The following ASIC4 variants were observed in gnomAD, a reference collection of about 807,000 sequenced individuals.
ASIC4 encodes the protein acid sensing ion channel subunit family member 4, also known as acid-sensing ion channel 4.
Under a neutral mutation model 53.4 loss-of-function variants are expected in ASIC4, and 28 were observed. That is an observed-to-expected ratio of 0.52 (90% CI 0.39 to 0.72). ASIC4 has a LOEUF of 0.72. Ranked by LOEUF, ASIC4 falls within the 30% of genes least tolerant of loss-of-function variation. The pLI, the probability that ASIC4 is intolerant of heterozygous loss-of-function variation, is 0.00. For synonymous variants in ASIC4, 289 were observed against 301.4 expected (o/e 0.96, Z 0.43); for missense variants, 649 against 729.7 (o/e 0.89, Z 1.27).
At position 219,518,853 on chromosome 2, in the gene ASIC4, T is replaced by C. The variant is rs1694840429; in HGVS notation, c.582+3547T>C. 1.3e-5 allele frequency among the ~76,000 whole-genome samples: 2 copies of C among 152,230 alleles called. No homozygotes were observed. Among genetic ancestry groups the C allele is most frequent in the Admixed American group, 1.3e-4 (2 of 15,282 alleles). Reference sequence around the variant, plus strand: ...AACCTCGGCTCTACGCATTAAGCTGTGTGGCCGTGGGGAAGCCAAAAAGCT... The same window carrying C: ...AACCTCGGCTCTACGCATTAAGCTGCGTGGCCGTGGGGAAGCCAAAAAGCT... On this transcript the variant is annotated intron_variant, in intron 1 of 9. Transcript: ENST00000358078. This position sits in a 1 kb window ranked among gnomAD's most constrained non-coding sequence, Gnocchi z 4.8.
chr2:219,518,827 G>A lies in ASIC4; in HGVS notation c.582+3521G>A, dbSNP rs1015462841. Among the ~76,000 whole-genome samples, 11 of 152,360 alleles carry A rather than the reference G, an allele frequency of 7.2e-5. No homozygotes were observed. The highest frequency in any genetic ancestry group is 2.6e-4 in the Admixed American group (4 of 15,310). Reference sequence around the variant, plus strand: ...TCTCACCTGGGGACCACCAGGATTCGAACCTCGGCTCTACGCATTAAGCTG... The same window carrying A: ...TCTCACCTGGGGACCACCAGGATTCAAACCTCGGCTCTACGCATTAAGCTG... On this transcript the variant is annotated intron_variant, in intron 1 of 9. Coordinates refer to ENST00000358078, the MANE Select transcript of ASIC4 (RefSeq NM_018674.6). This position sits in a 1 kb window ranked among gnomAD's most constrained non-coding sequence, Gnocchi z 4.8.
upstream of ASIC4, chr2:219,514,427 C>T (rs1209824119): frequency 7.1e-6 from 11 of 1,549,508 alleles, no homozygotes; most frequent in Middle Eastern, 2.1e-4. Context: ...CAGGGACACA[C>T]GCAGGGGCTG....
upstream of ASIC4, among the ~76,000 whole-genome samples, chr2:219,510,984 G>T (rs970451681): frequency 1.3e-5 from 2 of 152,082 alleles, no homozygotes; most frequent in South Asian, 2.1e-4. The surrounding 1 kb of genome is among the most constrained non-coding windows in gnomAD (Gnocchi z 5.2). Context: ...CACCAGCCAG[G>T]CCTGGACCAG....
chr2:219,535,772 CTTTT>C (rs869106424), intron 6 of ASIC4, among the ~76,000 whole-genome samples: 2 of 128,708 alleles, frequency 1.6e-5, no homozygotes, highest in Non-Finnish European at 3.3e-5. Flanking sequence ...TCTTCTCCTT[CTTTT>C]TTTTTTTTTT....
chr2:219,531,364 T>TA (rs1695037978), intron 1 of ASIC4, among the ~76,000 whole-genome samples: 1 of 151,080 alleles, frequency 6.6e-6, no homozygotes, highest in South Asian at 2.1e-4. Flanking sequence ...AGACCATATC[T>TA]CAAAAAAAAA....
At chr2:219,528,433 C>T (rs1388299020) in intron 1 of ASIC4, among the ~76,000 whole-genome samples, 1 of 152,026 alleles carries the variant, frequency 6.6e-6, no homozygotes, top group Admixed American at 6.6e-5. Context: ...CCATATTGGC[C>T]AGGCTGGTCT....
intron 1 of ASIC4, 95 bp from the exon 2 acceptor site, chr2:219,531,663 C>A: frequency 7.1e-7 from 1 of 1,401,442 alleles, no homozygotes. Flanking sequence ...AGTGTCCAAG[C>A]AGATCTGGTG....
Position 219,536,932 on chromosome 2 carries a change from T to G in ASIC4, c.1230-134T>G. The G allele has an allele frequency of 1.4e-6, 1 of 728,066 alleles. No homozygotes were observed. Among genetic ancestry groups the G allele is most frequent in the South Asian group, 1.7e-5 (1 of 57,918 alleles). The allele number at this position is 728,066 out of a possible 1,614,324, so 45.1% of individuals were successfully genotyped here. Reference sequence around the variant, plus strand: ...CCGGGACTGCCTCCCCTCACAGCCTTGGGGAGTCCGGGGGGTAGTCACTGA... The same window carrying G: ...CCGGGACTGCCTCCCCTCACAGCCTGGGGGAGTCCGGGGGGTAGTCACTGA... On this transcript the variant is annotated intron_variant, in intron 6 of 9. Transcript: ENST00000358078. This position sits in a 1 kb window ranked among gnomAD's most constrained non-coding sequence, Gnocchi z 4.6.
upstream of ASIC4, among the ~76,000 whole-genome samples, chr2:219,510,953 C>T (rs1044238276): frequency 2.0e-5 from 3 of 152,120 alleles, no homozygotes; most frequent in East Asian, 1.9e-4. This position sits in a 1 kb window ranked among gnomAD's most constrained non-coding sequence, Gnocchi z 5.2. Context: ...CTGCACAGCC[C>T]GTTTGTCACC....
At chr2:219,530,649 G>T in intron 1 of ASIC4, among the ~76,000 whole-genome samples, 1 of 152,232 alleles carries the variant, frequency 6.6e-6, no homozygotes, top group East Asian at 1.9e-4. Flanking sequence ...AGTGTGACAT[G>T]CTGAGGCTTC....
chr2:219,533,092 G>A (rs765005823), intron 5 of ASIC4, 153 bp downstream of exon 5: 2 of 815,488 alleles, frequency 2.5e-6, no homozygotes, highest in East Asian at 2.6e-5. Context: ...GTGGGGTTGG[G>A]GAGAGGTCTG....
At chr2:219,523,248 A>G (rs1220800608) in intron 1 of ASIC4, among the ~76,000 whole-genome samples, 4 of 152,316 alleles carry the variant, frequency 2.6e-5, no homozygotes, top group Admixed American at 2.0e-4. Context: ...TCTAGGGTGT[A>G]AGGCCTAAGC....
chr2:219,535,212 AC>A lies in ASIC4; in HGVS notation c.1122del (p.Cys375AlafsTer3). ...GGPEGPCFCP[T>X]PCNLTRYGKE... ...CCCTGAGGGCCCGTGCTTCTGCCCC[AC>A]CCCCTGCAACCTGACACGCTATGGG... On this transcript the variant is annotated frameshift_variant, in exon 6 of 10. Transcript: ENST00000358078. LOFTEE classifies it high-confidence loss of function. The A allele has an allele frequency of 6.2e-7, 1 of 1,613,316 alleles. No individual in the cohort carries two copies. The highest frequency in any genetic ancestry group is 8.5e-7 in the Non-Finnish European group (1 of 1,179,772).
chr2:219,507,565 G>A, the ASIC4 span, among the ~76,000 whole-genome samples: 90 of 152,228 alleles, frequency 5.9e-4, 1 homozygote, highest in African/African-American at 2.0e-3. Flanking sequence ...CCTGTTCTGG[G>A]AAGGCCCTCA....
chr2:219,520,000 AT>A (rs1694860647), intron 1 of ASIC4, among the ~76,000 whole-genome samples: 2 of 152,038 alleles, frequency 1.3e-5, no homozygotes, highest in East Asian at 3.9e-4. Context: ...TGTCTGGAAA[AT>A]TGAGGCTGGG....
At chr2:219,508,362 T>C in the ASIC4 span, among the ~76,000 whole-genome samples, 1 of 152,176 alleles carries the variant, frequency 6.6e-6, no homozygotes, top group Admixed American at 6.5e-5. Context: ...CCAATAAGTC[T>C]GTGTCAGGCC....
rs1432132664 is a variant in ASIC4 at position 219,537,870 on chromosome 2, G to A, written c.1507-63G>A. ...GAGGTGACAAGGAAAGGCTGGCGGT[G>A]TGAGCCCTGGGGGCACCACTTGAGC... On this transcript the variant is annotated intron_variant, in intron 9 of 9. Transcript: ENST00000358078. This position sits in a 1 kb window ranked among gnomAD's most constrained non-coding sequence, Gnocchi z 4.9. 3.3e-6 allele frequency: 5 copies of A among 1,500,174 alleles called. No individual in the cohort carries two copies. The African/African-American group carries it at 4.1e-5, about 12-fold the overall frequency. The allele number at this position is 1,500,174 out of a possible 1,614,324, so 92.9% of individuals were successfully genotyped here. A position where few individuals can be genotyped will look rare whatever the true frequency, so the allele number is the denominator to read the frequency against.
In ASIC4 at chr2:219,518,687, A is replaced by G. The variant is rs181283161; in HGVS notation, c.582+3381A>G. On this transcript the variant is annotated intron_variant, in intron 1 of 9. Transcript: ENST00000358078. The surrounding 1 kb of genome is among the most constrained non-coding windows in gnomAD (Gnocchi z 4.8). ...TCCAAGCCCCAGTTCTACCTTCCCC[A>G]CTGCGGCCTGCTCTCAGCCTGCCCT... Among the ~76,000 whole-genome samples the G allele has an allele frequency of 3.3e-4, 49 of 149,910 alleles. No individual in the cohort carries two copies. Among genetic ancestry groups the G allele is most frequent in the Non-Finnish European group, 6.1e-4 (41 of 67,576 alleles).
chr2:219,507,162 C>G, the ASIC4 span, among the ~76,000 whole-genome samples: 41 of 152,316 alleles, frequency 2.7e-4, no homozygotes, highest in African/African-American at 9.1e-4. Context: ...TCGTGCTGCT[C>G]GGGAGGAAGG....
Sources: gnomAD v4.1 joint callset for allele counts (sites outside exome capture counted in the v4.1 genomes callset) on GRCh38, gnomAD v4.1.1 for gene constraint, Gnocchi (gnomAD v3.1) non-coding constraint, MANE v1.5 for transcripts, NCBI Gene and HGNC (gene_info 2026-07-23, HGNC 2026-07-21) for gene names.